Variants in BPI observed in about 807,000 individuals in gnomAD.
BPI encodes bactericidal permeability-increasing protein.
Under a neutral mutation model 57.6 loss-of-function variants are expected in BPI, and 48 were observed. The ratio of observed to expected loss-of-function variants is 0.83; its 90% CI spans 0.66 to 1.06. BPI has a LOEUF of 1.06. BPI is among the 50% of genes least tolerant of loss of function. The probability of loss-of-function intolerance (pLI) is 0.00; values close to 1 mark genes in which losing one functional copy is unlikely to be tolerated. For synonymous variants in BPI, 237 were observed against 238.2 expected, an observed-to-expected ratio of 0.99 and a Z score of 0.05; for missense variants, 651 against 609.7, an observed-to-expected ratio of 1.07 and a Z score of -0.71.
intron 9 of BPI, among the ~76,000 whole-genome samples, chr20:38,325,203 A>G (rs2076706432): frequency 6.6e-6 from 1 of 152,204 alleles, no homozygotes; most frequent in Admixed American, 6.5e-5. Context: ...ATCCAAAACA[A>G]TAACAAAAAT....
intron 1 of BPI, 143 bp downstream of exon 1, chr20:38,304,496 GA>G: frequency 8.3e-7 from 1 of 1,211,468 alleles, no homozygotes; most frequent in African/African-American, 1.5e-5. Flanking sequence ...TATATATGAA[GA>G]AACTGAGGCA....
chr20:38,309,378 T>C (rs1256153560), intron 3 of BPI, among the ~76,000 whole-genome samples: 2 of 152,192 alleles, frequency 1.3e-5, no homozygotes, highest in East Asian at 1.9e-4. Flanking sequence ...CCAAATTCTG[T>C]GGCTTAAAAC....
At chr20:38,330,936 G>T in intron 11 of BPI, 112 bp from the exon 12 acceptor site, 1 of 1,254,474 alleles carries the variant, frequency 8.0e-7, no homozygotes. Flanking sequence ...AGTGGATACT[G>T]GGTGGGAAAA....
At chr20:38,318,610 A>C in intron 6 of BPI, 134 bp downstream of exon 6, 1 of 941,706 alleles carries the variant, frequency 1.1e-6, no homozygotes, top group Non-Finnish European at 1.7e-6. Flanking sequence ...AGAGTAGTAC[A>C]TTATTTTCAA....
At chr20:38,332,078 A>G (rs746457736) in intron 12 of BPI, among the ~76,000 whole-genome samples, 104 of 152,280 alleles carry the variant, frequency 6.8e-4, no homozygotes, top group Middle Eastern at 3.4e-3. Flanking sequence ...TGGGGAATGA[A>G]GGGAGCCTGT....
chr20:38,337,003 C>T (rs1202869420), intron 14 of BPI, 143 bp from the exon 15 acceptor site: 1 of 558,472 alleles, frequency 1.8e-6, no homozygotes, highest in Non-Finnish European at 2.9e-6. Context: ...GGCAGCGAAA[C>T]ACTGAGTGAC....
chr20:38,308,880 G>T, intron 2 of BPI, 50 bp from the exon 3 acceptor site: 1 of 1,609,480 alleles, frequency 6.2e-7, no homozygotes, highest in South Asian at 1.1e-5. Context: ...CCTCATGTGT[G>T]CACCTAGGAG....
intron 11 of BPI, among the ~76,000 whole-genome samples, chr20:38,328,724 A>G (rs1365561956): frequency 6.6e-6 from 1 of 151,654 alleles, no homozygotes; most frequent in Non-Finnish European, 1.5e-5. Flanking sequence ...AGGGCCAGGC[A>G]TGGTGGCTCA....
chr20:38,334,822 G>A (rs1893964393), intron 13 of BPI, among the ~76,000 whole-genome samples: 1 of 152,168 alleles, frequency 6.6e-6, no homozygotes, highest in African/African-American at 2.4e-5. Context: ...GCAGGCAAGA[G>A]ATGGGGCATG....
At chr20:38,321,778 A>G (rs1439109874) in intron 7 of BPI, 1 of 152,064 alleles carries the variant, frequency 6.6e-6, no homozygotes, top group Non-Finnish European at 1.5e-5. Flanking sequence ...AGAGATAAGC[A>G]TCATCAATAA....
chr20:38,337,240 G>A lies in BPI; in HGVS notation c.*56G>A. The A allele has an allele frequency of 4.1e-6, 6 of 1,465,706 alleles. No individual in the cohort carries two copies. Among genetic ancestry groups the A allele is most frequent in the South Asian group, 3.8e-5 (3 of 78,138 alleles). 90.8% of individuals were successfully genotyped at this position (1,465,706 alleles called of 1,614,324 possible). ...ACACCTGTTCCTGATGGGCTGTGGGGCACCGGCTGCCTTTCCCCAGGGAAT... is the reference window on the plus strand; with the variant it reads ...ACACCTGTTCCTGATGGGCTGTGGGACACCGGCTGCCTTTCCCCAGGGAAT... On this transcript the variant is annotated 3_prime_UTR_variant, in exon 15 of 15. Transcript: ENST00000642449.
At chr20:38,323,087 A>T (rs8119491) in intron 7 of BPI, among the ~76,000 whole-genome samples, 91,773 of 152,046 alleles carry the variant, frequency 0.6, 27,934 homozygotes, top group South Asian at 0.71. Context: ...AAAAAAATTT[A>T]AAAAACTGTA....
chr20:38,308,827 A>T lies in BPI; in HGVS notation c.246-103A>T, dbSNP rs2076608469. On this transcript the variant is annotated intron_variant, in intron 2 of 14. Transcript: ENST00000642449. ...CCTCCTGGAATGGATGGAGTGAAGG[A>T]CCAGGTGGTGGGGGACGAGTCTGCA... is the stretch of plus-strand genomic sequence containing the variant. The T allele has an allele frequency of 8.3e-6, 12 of 1,454,248 alleles. No homozygotes were observed. In the Admixed American group the frequency reaches 2.2e-4, roughly 27 times the overall value. 90.1% of individuals were successfully genotyped at this position (1,454,248 alleles called of 1,614,324 possible). A position where few individuals can be genotyped will look rare whatever the true frequency, so the allele number is the denominator to read the frequency against.
In BPI at chr20:38,326,370, G is replaced by A; in HGVS notation, c.1099G>A (p.Asp367Asn). Residue 367 changes from aspartate to asparagine, a missense_variant, in exon 10 of 15, where the codon GAT becomes AAT. Asp to Asn is a conservative substitution (Grantham distance 23). Coordinates refer to ENST00000642449, the MANE Select transcript of BPI (RefSeq NM_001725.3). ...CGGCCTTACCTTCTACCCTGCCGTG[G>A]ATGTCCAGGCCTTTGCCGTCCTCCC... ...PTGLTFYPAVDVQAFAVLPNS... is the reference protein window; with the variant it reads ...PTGLTFYPAVNVQAFAVLPNS... 1.2e-6 allele frequency: 2 copies of A among 1,614,166 alleles called. No individual in the cohort carries two copies. The highest frequency in any genetic ancestry group is 1.7e-6 in the Non-Finnish European group (2 of 1,180,026).
intron 13 of BPI, among the ~76,000 whole-genome samples, chr20:38,335,191 G>T (rs770954302): frequency 6.6e-6 from 1 of 152,138 alleles, no homozygotes; most frequent in Non-Finnish European, 1.5e-5. Flanking sequence ...GGCAGTATGT[G>T]GGGGGCTTGC....
intron 11 of BPI, among the ~76,000 whole-genome samples, chr20:38,329,549 C>T (rs1306727720): frequency 6.6e-6 from 1 of 152,112 alleles, no homozygotes; most frequent in Non-Finnish European, 1.5e-5. Flanking sequence ...TGAGCACAGG[C>T]TTTCTGGAAT....
intron 3 of BPI, 63 bp from the exon 4 acceptor site, chr20:38,310,428 G>A (rs1277887457): frequency 1.3e-6 from 2 of 1,572,742 alleles, no homozygotes; most frequent in African/African-American, 1.3e-5. Flanking sequence ...CAGCACTGGG[G>A]CAAAGTTTGA....
At position 38,310,637 on chromosome 20, in the gene BPI, C is replaced by T. The variant is rs1429920481; in HGVS notation, c.521C>T (p.Ser174Leu). Residue 174 changes from serine (S) to leucine (L), a missense_variant, in exon 4 of 15, where the codon TCA becomes TTA. Physicochemically the swap from Ser to Leu is moderately radical, Grantham distance 145 (BLOSUM62 -2). Transcript: ENST00000642449. ...ATCAACAGTGTCCACGTGCACATCT[C>T]AAAGAGCAAAGTGGGGTATGGACTC... ...SHINSVHVHI[S>L]KSKVGWLIQL... is the part of the protein sequence containing the mutation. 3.1e-6 allele frequency: 5 copies of T among 1,613,038 alleles called. No homozygotes were observed. Among genetic ancestry groups the T allele is most frequent in the Non-Finnish European group, 4.2e-6 (5 of 1,179,350 alleles).
intron 11 of BPI, among the ~76,000 whole-genome samples, chr20:38,330,255 A>T (rs2076735706): frequency 6.6e-6 from 1 of 152,142 alleles, no homozygotes; most frequent in Non-Finnish European, 1.5e-5. Context: ...AGAAGAAAAA[A>T]AAAAGCAAAC....
Sources: gnomAD v4.1 joint callset for allele counts (sites outside exome capture counted in the v4.1 genomes callset) on GRCh38, gnomAD v4.1.1 for gene constraint, MANE v1.5 for transcripts, NCBI Gene and HGNC (gene_info 2026-07-23, HGNC 2026-07-21) for gene names.